LRMDA: variants seen among roughly 807,000 people sequenced by gnomAD.
LRMDA encodes the protein leucine-rich melanocyte differentiation-associated protein.
LRMDA carries 18 observed loss-of-function variants against 29.8 expected under a neutral mutation model. The ratio of observed to expected loss-of-function variants is 0.60; its 90% confidence interval spans 0.42 to 0.90. LRMDA has a LOEUF of 0.90. Ranked by LOEUF, LRMDA falls within the 40% of genes least tolerant of loss-of-function variation. The probability of loss-of-function intolerance (pLI) is 0.00; values close to 1 mark genes in which losing one functional copy is unlikely to be tolerated. For synonymous variants in LRMDA, 125 were observed against 109.4 expected, an observed-to-expected ratio of 1.14 and a Z score of -0.89; for missense variants, 273 against 273.9, an observed-to-expected ratio of 1.00 and a Z score of 0.02.
At chr10:76,152,768 A>G (rs1850467989) in intron 5 of LRMDA, among the ~76,000 whole-genome samples, 1 of 152,186 alleles carries the variant, frequency 6.6e-6, no homozygotes, top group South Asian at 2.1e-4. Context: ...TCTAAAGACT[A>G]ATGAAGTTGA....
At position 76,557,372 on chromosome 10, in the gene LRMDA, A is replaced by T; in HGVS notation, c.*84A>T. 9.1e-7 allele frequency: 1 copy of T among 1,098,564 alleles called. No individual in the cohort carries two copies. The highest frequency in any genetic ancestry group is 1.4e-6 in the Non-Finnish European group (1 of 731,082). 68.1% of individuals were successfully genotyped at this position (1,098,564 alleles called of 1,614,324 possible). ...AAATAAAGAAAACGCTAAAGAAAAA[A>T]CAATAGCCCACATTGCCTCTCTTTG... On this transcript the variant is annotated 3_prime_UTR_variant, in exon 7 of 7. Coordinates refer to ENST00000611255, the MANE Select transcript of LRMDA (RefSeq NM_001305581.2).
At chr10:75,467,279 G>A (rs992997554) in intron 2 of LRMDA, among the ~76,000 whole-genome samples, 2 of 152,180 alleles carry the variant, frequency 1.3e-5, no homozygotes, top group Admixed American at 6.5e-5. Flanking sequence ...AGGGAAGGGT[G>A]GAACAGTTGC....
At chr10:76,047,998 C>T (rs960418192) in intron 4 of LRMDA, among the ~76,000 whole-genome samples, 4 of 152,152 alleles carry the variant, frequency 2.6e-5, no homozygotes, top group Admixed American at 6.6e-5. Flanking sequence ...TTTGGTCTTA[C>T]CCATTTTACC....
chr10:76,501,734 G>A (rs1486546557), intron 6 of LRMDA, among the ~76,000 whole-genome samples: 1 of 151,630 alleles, frequency 6.6e-6, no homozygotes, highest in Non-Finnish European at 1.5e-5. Flanking sequence ...ATTTTTTTAA[G>A]TTCCCTATAG....
chr10:75,624,265 G>A (rs1388258679), intron 2 of LRMDA, among the ~76,000 whole-genome samples: 2 of 152,120 alleles, frequency 1.3e-5, no homozygotes, highest in South Asian at 2.1e-4. Context: ...AAAATTCTTG[G>A]AGATCATATT....
intron 6 of LRMDA, among the ~76,000 whole-genome samples, chr10:76,456,462 T>G (rs1473664295): frequency 1.3e-5 from 2 of 152,156 alleles, no homozygotes; most frequent in African/African-American, 4.8e-5. Flanking sequence ...AGCACATGAC[T>G]CAGATGTCCA....
intron 2 of LRMDA, among the ~76,000 whole-genome samples, chr10:75,950,594 G>A (rs1846557134): frequency 6.6e-6 from 1 of 152,196 alleles, no homozygotes; most frequent in African/African-American, 2.4e-5. Context: ...CCCAACATCA[G>A]AGCCATCACT....
chr10:76,258,820 T>C (rs1160615364), intron 5 of LRMDA, among the ~76,000 whole-genome samples: 1 of 152,206 alleles, frequency 6.6e-6, no homozygotes, highest in Non-Finnish European at 1.5e-5. Context: ...CTGAGTGATA[T>C]TCCATTGTGT....
At chr10:75,983,020 G>A (rs1008449140) in intron 2 of LRMDA, among the ~76,000 whole-genome samples, 22 of 152,182 alleles carry the variant, frequency 1.4e-4, no homozygotes, top group Non-Finnish European at 1.5e-5. Flanking sequence ...GGACCAGGCA[G>A]GGATGTAAAT....
At chr10:75,574,186 G>T (rs774228173) in intron 2 of LRMDA, among the ~76,000 whole-genome samples, 2 of 152,114 alleles carry the variant, frequency 1.3e-5, no homozygotes, top group African/African-American at 2.4e-5. Context: ...AGATCCTAGG[G>T]CTTATATCCA....
At chr10:75,859,929 G>A (rs1041884204) in intron 2 of LRMDA, among the ~76,000 whole-genome samples, 13 of 151,974 alleles carry the variant, frequency 8.6e-5, no homozygotes, top group African/African-American at 2.9e-4. Context: ...TTATGTTAAC[G>A]TTGATGTTAA....
At chr10:76,129,709 C>G (rs1307606716) in intron 5 of LRMDA, among the ~76,000 whole-genome samples, 1 of 152,156 alleles carries the variant, frequency 6.6e-6, no homozygotes, top group East Asian at 1.9e-4. Context: ...CTGCTCTTTA[C>G]CAGTGGGGTT....
At chr10:76,391,127 T>A (rs1402882228) in intron 6 of LRMDA, among the ~76,000 whole-genome samples, 1 of 152,242 alleles carries the variant, frequency 6.6e-6, no homozygotes, top group Non-Finnish European at 1.5e-5. Flanking sequence ...AGAGGTCAGC[T>A]GTGCCTAAAA....
chr10:75,928,949 AG>A, intron 2 of LRMDA, among the ~76,000 whole-genome samples: 1 of 152,320 alleles, frequency 6.6e-6, no homozygotes, highest in African/African-American at 2.4e-5. Context: ...CAACTGGGTG[AG>A]ATTTTCTTTG....
intron 5 of LRMDA, among the ~76,000 whole-genome samples, chr10:76,069,368 T>C (rs2132066662): frequency 6.6e-6 from 1 of 152,348 alleles, no homozygotes; most frequent in Middle Eastern, 3.4e-3. Context: ...CCATCAATAA[T>C]GCACAGATGC....
At chr10:76,230,548 A>C (rs938804204) in intron 5 of LRMDA, among the ~76,000 whole-genome samples, 2 of 142,276 alleles carry the variant, frequency 1.4e-5, no homozygotes, top group Non-Finnish European at 3.1e-5. Flanking sequence ...TTCACTGTTA[A>C]GAGGGCAAAA....
intron 2 of LRMDA, among the ~76,000 whole-genome samples, chr10:75,471,984 C>T (rs981747861): frequency 1.3e-5 from 2 of 152,108 alleles, no homozygotes; most frequent in Non-Finnish European, 2.9e-5. Context: ...TCAGAAACCC[C>T]TCATCTTCCC....
chr10:76,008,193 C>G (rs1847707431), intron 2 of LRMDA, among the ~76,000 whole-genome samples: 1 of 152,084 alleles, frequency 6.6e-6, no homozygotes, highest in Non-Finnish European at 1.5e-5. Context: ...GAAGGCTACA[C>G]AATAGACTGT....
At chr10:76,174,148 G>T (rs117524783) in intron 5 of LRMDA, among the ~76,000 whole-genome samples, 2,451 of 152,200 alleles carry the variant, frequency 0.016, 32 homozygotes, top group Non-Finnish European at 0.024. Context: ...TGTGATGTTA[G>T]CATTATCCTG....
Sources: gnomAD v4.1 joint callset for allele counts (sites outside exome capture counted in the v4.1 genomes callset) on GRCh38, gnomAD v4.1.1 for gene constraint, MANE v1.5 for transcripts, NCBI Gene and HGNC (gene_info 2026-07-23, HGNC 2026-07-21) for gene names.